ZNF8: variants seen among roughly 807,000 people sequenced by gnomAD.
ZNF8 encodes zinc finger protein 8.
In ZNF8, 9 loss-of-function variants were observed where a neutral mutation model predicts 12.2. The ratio of observed to expected loss-of-function variants is 0.73; its 90% CI spans 0.44 to 1.28. The LOEUF is 1.28. ZNF8 is among the 50% of genes most tolerant of loss of function. ZNF8 has a pLI of 0.00. For missense variants in ZNF8, 664 were observed against 729.1 expected (o/e 0.91, Z 1.03); for synonymous variants, 274 against 282.3 (o/e 0.97, Z 0.30).
At chr19:58,292,068 T>C (rs2051422885) in intron 3 of ZNF8, among the ~76,000 whole-genome samples, 2 of 151,804 alleles carry the variant, frequency 1.3e-5, no homozygotes, top group African/African-American at 4.8e-5. Context: ...GGAGGGTGGG[T>C]CTGTTTGGTT....
At chr19:58,279,734 G>C (rs2051335874) in intron 1 of ZNF8, 1 of 1,516,316 alleles carries the variant, frequency 6.6e-7, no homozygotes, top group Non-Finnish European at 8.8e-7. Context: ...AGTGCAGGGC[G>C]GTCAGTGTTT....
chr19:58,279,898 G>A lies in ZNF8; in HGVS notation c.66+751G>A. 14 of 1,204,918 alleles carry A rather than the reference G, an allele frequency of 1.2e-5. No individual in the cohort carries two copies. In the South Asian group the frequency reaches 1.9e-4, roughly 16 times the overall value. The allele number at this position is 1,204,918 out of a possible 1,614,324, so 74.6% of individuals were successfully genotyped here. ...ATTATACTTTTTTTTATTTTTTGTC[G>A]TTGGTTTGTTCATGGGGATTTGCAT... is the stretch of plus-strand genomic sequence containing the variant. On this transcript the variant is annotated intron_variant, in intron 1 of 3. Coordinates refer to ENST00000621650, the MANE Select transcript of ZNF8 (RefSeq NM_021089.3).
chr19:58,279,932 AT>A, intron 1 of ZNF8: 1 of 1,111,512 alleles, frequency 9.0e-7, no homozygotes, highest in Non-Finnish European at 1.2e-6. Context: ...ATTATTTCAG[AT>A]TTGGTACACA....
chr19:58,285,962 AG>A, intron 2 of ZNF8, 119 bp downstream of exon 2: 2 of 1,446,638 alleles, frequency 1.4e-6, no homozygotes, highest in Non-Finnish European at 1.9e-6. Flanking sequence ...ATGAAGAGGG[AG>A]GTCTGCCCTT....
rs2051480795 is a variant in ZNF8, at chr19:58,299,823, G to A, written c.*4287G>A. 6.6e-6 allele frequency: 1 copy of A among 152,192 alleles called. No homozygotes were observed. The highest frequency in any genetic ancestry group is 2.4e-5 in the African/African-American group (1 of 41,446). The allele number at this position is 152,192 out of a possible 1,614,324, so 9.4% of individuals were successfully genotyped here. ...TTTTTGCTTTTTGGATGCTGGGAGT[G>A]TCACAACTCAGCTATCCAATCAAGG... On this transcript the variant is annotated 3_prime_UTR_variant, in exon 4 of 4. Transcript: ENST00000621650.
rs1483448024 is a variant in ZNF8, at chr19:58,279,730, G to A, written c.66+583G>A. 3 of 1,518,420 alleles carry A rather than the reference G, an allele frequency of 2.0e-6. No individual in the cohort carries two copies. In the Admixed American group the frequency reaches 5.9e-5, roughly 30 times the overall value. 94.1% of individuals were successfully genotyped at this position (1,518,420 alleles called of 1,614,324 possible). ...GAGACTGTGGGAGAACTGCAGTGCAGGGCGGTCAGTGTTTGCAGGGCCATC... is the reference window on the plus strand; with the variant it reads ...GAGACTGTGGGAGAACTGCAGTGCAAGGCGGTCAGTGTTTGCAGGGCCATC... On this transcript the variant is annotated intron_variant, in intron 1 of 3. Coordinates refer to ENST00000621650, the MANE Select transcript of ZNF8 (RefSeq NM_021089.3).
Position 58,300,395 on chromosome 19 carries a change from AGG to A in ZNF8, c.*4863_*4864del, listed in dbSNP as rs911084176. On this transcript the variant is annotated 3_prime_UTR_variant, in exon 4 of 4. Transcript: ENST00000621650. Reference sequence around the variant, plus strand: ...TGCATCCACAGTGAAGACTGAAAGAAGGGGGAATGGGCAGGCCAACACTTACC... The same window carrying A: ...TGCATCCACAGTGAAGACTGAAAGAAGGGAATGGGCAGGCCAACACTTACC... 1.3e-5 allele frequency: 2 copies of A among 152,288 alleles called. No individual in the cohort carries two copies. The highest frequency in any genetic ancestry group is 2.9e-5 in the Non-Finnish European group (2 of 68,072). The allele number at this position is 152,288 out of a possible 1,614,324, so 9.4% of individuals were successfully genotyped here. A position where few individuals can be genotyped will look rare whatever the true frequency, so the allele number is the denominator to read the frequency against.
intron 2 of ZNF8, 32 bp from the exon 3 acceptor site, chr19:58,286,078 C>T: frequency 3.7e-6 from 6 of 1,602,368 alleles, no homozygotes; most frequent in Non-Finnish European, 5.1e-6. Context: ...CCTGAGCAGC[C>T]CCTCACCTCC....
chr19:58,279,749 G>C lies in ZNF8; in HGVS notation c.66+602G>C, dbSNP rs565267405. ...AGTGCAGGGCGGTCAGTGTTTGCAGGGCCATCTGGCCATCAGAGCTCCACT... is the reference window on the plus strand; with the variant it reads ...AGTGCAGGGCGGTCAGTGTTTGCAGCGCCATCTGGCCATCAGAGCTCCACT... On this transcript the variant is annotated intron_variant, in intron 1 of 3. Transcript: ENST00000621650. The C allele has an allele frequency of 6.6e-6, 10 of 1,504,300 alleles. No individual in the cohort carries two copies. In the African/African-American group the frequency reaches 1.4e-4, roughly 21 times the overall value. 93.2% of individuals were successfully genotyped at this position (1,504,300 alleles called of 1,614,324 possible).
Position 58,294,222 on chromosome 19 carries a change from G to A in ZNF8, c.414G>A (p.Gly138=), listed in dbSNP as rs35832841. Residue 138 remains glycine (G), a synonymous_variant, in exon 4 of 4, where the codon GGG becomes GGA. Transcript: ENST00000621650. The surrounding 1 kb of genome is among the most constrained non-coding windows in gnomAD (Gnocchi z 5.5). ...ATGCTCCTTATCCCACCACGTTAGG[G>A]AAAGACAGGGAGTGTCAGAGCCAGA... ...PTDAPYPTTL[G]KDRECQSQSL... The A allele has an allele frequency of 2.5e-6, 4 of 1,614,042 alleles. No homozygotes were observed. The highest frequency in any genetic ancestry group is 3.4e-6 in the Non-Finnish European group (4 of 1,180,048).
intron 2 of ZNF8, 107 bp from the exon 3 acceptor site, chr19:58,286,003 T>C (rs2051380803): frequency 7.1e-7 from 1 of 1,417,052 alleles, no homozygotes; most frequent in Non-Finnish European, 9.8e-7. Context: ...TTCACCATGT[T>C]GTGAGGTGCC....
chr19:58,286,362 TATA>T (rs2051383658), intron 3 of ZNF8, 157 bp downstream of exon 3: 1 of 602,794 alleles, frequency 1.7e-6, no homozygotes, highest in Non-Finnish European at 2.9e-6. Context: ...CAGCTCTCAG[TATA>T]ATGAGACCAA....
chr19:58,292,425 A>G (rs574610367), intron 3 of ZNF8, among the ~76,000 whole-genome samples: 1 of 152,200 alleles, frequency 6.6e-6, no homozygotes, highest in African/African-American at 2.4e-5. Flanking sequence ...GCCCTGTGGT[A>G]TTTCTTCTTA....
chr19:58,291,966 G>A (rs575179304), intron 3 of ZNF8, among the ~76,000 whole-genome samples: 8 of 152,254 alleles, frequency 5.3e-5, no homozygotes, highest in African/African-American at 1.9e-4. Context: ...GACGAGCCAG[G>A]GCATGGTGGA....
At position 58,296,168 on chromosome 19, in the gene ZNF8, C is replaced by G. The variant is rs185915624; in HGVS notation, c.*632C>G. 1 of 152,518 alleles carries G rather than the reference C, an allele frequency of 6.6e-6. No individual in the cohort carries two copies. The highest frequency in any genetic ancestry group is 1.9e-4 in the East Asian group (1 of 5,186). The allele number at this position is 152,518 out of a possible 1,614,324, so 9.4% of individuals were successfully genotyped here. ...CTTATGTGTGAAGTCCAGTTAGGTT[C>G]TCAGTTCATACCCTGAAAACTGCTT... is the stretch of plus-strand genomic sequence containing the variant. On this transcript the variant is annotated 3_prime_UTR_variant, in exon 4 of 4. Coordinates refer to ENST00000621650, the MANE Select transcript of ZNF8 (RefSeq NM_021089.3).
rs146420915 is a variant in ZNF8, at chr19:58,295,326, G to C, written c.1518G>C (p.Ser506=). 149 of 1,614,076 alleles carry C rather than the reference G, an allele frequency of 9.2e-5. No homozygotes were observed. Among genetic ancestry groups the C allele is most frequent in the Non-Finnish European group, 1.1e-4 (134 of 1,180,020 alleles). ...GAAGCCGGCGGCGTGAACAATCCTC[G>C]AGCAGGAACTCACACCTGGTTCAGC... The part of the protein sequence containing the change: ...HGRSRRREQS[S]SRNSHLVQHQ... The change falls in exon 4 of 4, where the codon TCG becomes TCC. Residue 506 remains serine, a synonymous_variant. Coordinates refer to ENST00000621650, the MANE Select transcript of ZNF8 (RefSeq NM_021089.3).
chr19:58,280,103 T>C (rs1282020315), intron 1 of ZNF8: 2 of 326,156 alleles, frequency 6.1e-6, no homozygotes, highest in Non-Finnish European at 1.2e-5. Flanking sequence ...TACCTGTTGC[T>C]GTGTAACTCA....
intron 1 of ZNF8, among the ~76,000 whole-genome samples, chr19:58,285,339 T>C (rs1344039339): frequency 6.6e-6 from 1 of 152,148 alleles, no homozygotes; most frequent in Non-Finnish European, 1.5e-5. Context: ...TTAGTGAGTG[T>C]ATTAGTTAGC....
intron 3 of ZNF8, among the ~76,000 whole-genome samples, chr19:58,293,521 G>T (rs972132687): frequency 6.6e-6 from 1 of 152,156 alleles, no homozygotes; most frequent in African/African-American, 2.4e-5. Flanking sequence ...AAGAGGGCTT[G>T]GGGAAAGCGG....
Sources: allele counts gnomAD v4.1 joint callset (sites outside exome capture counted in the v4.1 genomes callset), GRCh38; gene constraint gnomAD v4.1.1; non-coding constraint Gnocchi (gnomAD v3.1); transcripts MANE v1.5; gene names NCBI Gene and HGNC (gene_info 2026-07-23, HGNC 2026-07-21).